CENPT: variants seen among roughly 807,000 people sequenced by gnomAD.
CENPT encodes interphase centromere complex protein 22.
A neutral mutation model predicts 59.7 loss-of-function variants in CENPT; 42 were observed. The ratio of observed to expected loss-of-function variants is 0.70; its 90% confidence interval spans 0.55 to 0.91. CENPT has a LOEUF of 0.91. CENPT is among the 40% of genes least tolerant of loss of function. The probability of loss-of-function intolerance (pLI) is 0.00; values close to 1 mark genes in which losing one functional copy is unlikely to be tolerated. For missense variants in CENPT, 716 were observed against 713.4 expected, an observed-to-expected ratio of 1.00 and a Z score of -0.04; for synonymous variants, 295 against 289.6, an observed-to-expected ratio of 1.02 and a Z score of -0.19.
At chr16:67,838,126 A>G (rs538051818) in intron 1 of CENPT, among the ~76,000 whole-genome samples, 2 of 152,308 alleles carry the variant, frequency 1.3e-5, no homozygotes, top group South Asian at 4.1e-4. Flanking sequence ...TTTGAGGTAG[A>G]AGATTAAGTG....
Position 67,831,852 on chromosome 16 carries a change from G to A in CENPT, c.425C>T (p.Thr142Ile). ...LQLPELEPPT[T>I]LAPGLLAPGR... is the part of the protein sequence containing the mutation. ...AGGGGCCAGCAGACCTGGAGCCAGGGTTGTGGGGGGCTCGAGCTCAGGAAG... is the reference window on the plus strand; with the variant it reads ...AGGGGCCAGCAGACCTGGAGCCAGGATTGTGGGGGGCTCGAGCTCAGGAAG... Residue 142 changes from threonine to isoleucine, a missense_variant, in exon 8 of 16, where the codon ACC becomes ATC. By Grantham distance (89) the Thr-to-Ile change is moderately conservative (BLOSUM62 -1). Transcript: ENST00000562787. The A allele has an allele frequency of 1.2e-6, 2 of 1,611,718 alleles. No homozygotes were observed. Among genetic ancestry groups the A allele is most frequent in the South Asian group, 2.2e-5 (2 of 90,740 alleles).
chr16:67,835,764 G>A (rs918815458), intron 1 of CENPT, 106 bp from the exon 2 acceptor site: 1 of 152,096 alleles, frequency 6.6e-6, no homozygotes, highest in African/African-American at 2.4e-5. Flanking sequence ...TCTGATATCT[G>A]TGTTATCTGA....
intron 1 of CENPT, among the ~76,000 whole-genome samples, chr16:67,839,576 A>C (rs746381400): frequency 6.6e-6 from 1 of 151,692 alleles, no homozygotes; most frequent in Non-Finnish European, 1.5e-5. Flanking sequence ...ATAAAAATAA[A>C]TAAATAAATA....
At chr16:67,833,047 A>G (rs756065826) in intron 4 of CENPT, among the ~76,000 whole-genome samples, 2 of 152,214 alleles carry the variant, frequency 1.3e-5, no homozygotes, top group African/African-American at 2.4e-5. Context: ...TGTAAAACCT[A>G]TAATGAATGG....
rs1442886329 is a variant in CENPT at position 67,829,978 on chromosome 16, G to T, written c.973C>A (p.Pro325Thr). The change falls in exon 12 of 16, where the codon CCC becomes ACC. Residue 325 changes from proline to threonine, a missense_variant. By Grantham distance (38) the Pro-to-Thr change is conservative (BLOSUM62 -1). Coordinates refer to ENST00000562787, the MANE Select transcript of CENPT (RefSeq NM_025082.4). Reference sequence around the variant, plus strand: ...GCCTCTTCAACTCCATCGTGTAAGGGCTCTACTTCATCTTCTCCAGAGACA... The same window carrying T: ...GCCTCTTCAACTCCATCGTGTAAGGTCTCTACTTCATCTTCTCCAGAGACA... ...SGVSGEDEVE[P>T]LHDGVEEAEK... The T allele has an allele frequency of 6.2e-7, 1 of 1,614,192 alleles. No homozygotes were observed. The highest frequency in any genetic ancestry group is 2.2e-5 in the East Asian group (1 of 44,894).
Position 67,830,498 on chromosome 16 carries a change from G to C in CENPT, c.754C>G (p.Pro252Ala). The change falls in exon 11 of 16, where the codon CCC (proline) becomes GCC (alanine). Residue 252 changes from proline to alanine, a missense_variant. By Grantham distance (27) the Pro-to-Ala change is conservative. Coordinates refer to ENST00000562787, the MANE Select transcript of CENPT (RefSeq NM_025082.4). ...CAGGGCAGGGAGTGATACACGTTGGGGGAGCCAACCATGGGCTGAGAGAAC... is the reference window on the plus strand; with the variant it reads ...CAGGGCAGGGAGTGATACACGTTGGCGGAGCCAACCATGGGCTGAGAGAAC... ...QPFSQPMVGS[P>A]NVYHSLPCTP... The C allele has an allele frequency of 6.2e-7, 1 of 1,614,134 alleles. No homozygotes were observed.
chr16:67,832,339 C>A (rs762164190), intron 5 of CENPT, 24 bp from the exon 6 acceptor site: 6 of 1,613,138 alleles, frequency 3.7e-6, no homozygotes, highest in Middle Eastern at 1.6e-4. Context: ...ACCAAGCAAC[C>A]AGTCTGTCCG....
At chr16:67,830,659 G>A in intron 10 of CENPT, 111 bp from the exon 11 acceptor site, 2 of 1,143,182 alleles carry the variant, frequency 1.7e-6, no homozygotes, top group African/African-American at 1.6e-5. Context: ...GCCAGGGCCT[G>A]GACAGTGGGC....
At position 67,842,834 on chromosome 16, in the gene CENPT, CCCGCTGGGGCCGCGG is replaced by C; in HGVS notation, c.-492+4552_-492+4566del. The C allele has an allele frequency of 6.2e-7, 1 of 1,609,364 alleles. No individual in the cohort carries two copies. Among genetic ancestry groups the C allele is most frequent in the Non-Finnish European group, 8.5e-7 (1 of 1,179,140 alleles). ...CAATGAGCGCAAAGTAGCGCGCAGA[CCCGCTGGGGCCGCGG>C]CCGCCCGCCGCAGGCAGCAGCAGCA... On this transcript the variant is annotated intron_variant, in intron 1 of 15. Transcript: ENST00000562787. The surrounding 1 kb of genome is among the most constrained non-coding windows in gnomAD (Gnocchi z 4.9).
chr16:67,846,477 G>C (rs918184969), intron 1 of CENPT, among the ~76,000 whole-genome samples: 3 of 152,262 alleles, frequency 2.0e-5, no homozygotes, highest in Admixed American at 2.0e-4. Context: ...CACACAGCTC[G>C]GAAGAGTAAC....
At chr16:67,834,906 A>G (rs1431776399) in intron 3 of CENPT, among the ~76,000 whole-genome samples, 1 of 152,178 alleles carries the variant, frequency 6.6e-6, no homozygotes, top group African/African-American at 2.4e-5. Context: ...CAATGGCACA[A>G]TCTCGGCTCA....
intron 6 of CENPT, 57 bp downstream of exon 6, chr16:67,832,171 A>G (rs574119416): frequency 3.1e-6 from 5 of 1,606,994 alleles, no homozygotes; most frequent in South Asian, 1.1e-5. Context: ...AAAAGATACC[A>G]CAAGACTGGG....
chr16:67,834,232 C>T lies in CENPT; in HGVS notation c.-241-132G>A, dbSNP rs180898703. The T allele has an allele frequency of 2.0e-3, 381 of 193,128 alleles. 3 individuals carry two copies. The highest frequency in any genetic ancestry group is 3.1e-3 in the Non-Finnish European group (297 of 95,034). 12.0% of individuals were successfully genotyped at this position (193,128 alleles called of 1,614,324 possible). ...GCAATTGCTATTATTAGAAGGCTCT[C>T]TCATTCCCATCTCCCTCTCCGAAGA... On this transcript the variant is annotated intron_variant, in intron 3 of 15. Transcript: ENST00000562787.
chr16:67,843,273 C>T lies in CENPT; in HGVS notation c.-492+4128G>A, dbSNP rs2057777881. On this transcript the variant is annotated intron_variant, in intron 1 of 15. Transcript: ENST00000562787. The surrounding 1 kb of genome is among the most constrained non-coding windows in gnomAD (Gnocchi z 5.7). ...GTAGGGGAAGAGGGCTTCCCTGATA[C>T]TGGCTCCGACCATTCGTACTCCTTG... 1.2e-6 allele frequency: 2 copies of T among 1,613,614 alleles called. No homozygotes were observed. Among genetic ancestry groups the T allele is most frequent in the Non-Finnish European group, 1.7e-6 (2 of 1,179,904 alleles).
intron 1 of CENPT, among the ~76,000 whole-genome samples, chr16:67,844,790 T>TA (rs1321323643): frequency 5.9e-5 from 9 of 151,976 alleles, no homozygotes; most frequent in Non-Finnish European, 1.0e-4. Flanking sequence ...CTATTTTTTT[T>TA]TTTTTATTTT....
intron 13 of CENPT, chr16:67,829,125 G>C: frequency 5.8e-6 from 3 of 515,538 alleles, no homozygotes; most frequent in Non-Finnish European, 6.8e-6. Context: ...CCTTAGAATG[G>C]ATAGTCTCTC....
In CENPT at chr16:67,842,265, C is replaced by A. The variant is rs1235444303; in HGVS notation, c.-492+5136G>T. ...CCCCGGAAGTGAGCCGCTTCTGGCG[C>A]GGGGCATTGTGGGGGGCGTAGTCTC... is the stretch of plus-strand genomic sequence containing the variant. On this transcript the variant is annotated intron_variant, in intron 1 of 15. Coordinates refer to ENST00000562787, the MANE Select transcript of CENPT (RefSeq NM_025082.4). This position sits in a 1 kb window ranked among gnomAD's most constrained non-coding sequence, Gnocchi z 4.9. 6.4e-6 allele frequency: 1 copy of A among 157,406 alleles called. No homozygotes were observed. The highest frequency in any genetic ancestry group is 1.4e-5 in the Non-Finnish European group (1 of 71,568). 9.8% of individuals were successfully genotyped at this position (157,406 alleles called of 1,614,324 possible).
intron 1 of CENPT, among the ~76,000 whole-genome samples, chr16:67,840,133 G>A (rs967562369): frequency 1.3e-5 from 2 of 151,830 alleles, no homozygotes; most frequent in East Asian, 1.9e-4. Flanking sequence ...TGGCTAACAC[G>A]GTGAAACCCC....
In CENPT at chr16:67,833,865, C is replaced by A. The variant is rs192016383; in HGVS notation, c.-6G>T. 6.1e-4 allele frequency: 927 copies of A among 1,508,492 alleles called. 7 individuals are homozygous for A. In the African/African-American group the frequency reaches 0.012, roughly 19 times the overall value. 93.4% of individuals were successfully genotyped at this position (1,508,492 alleles called of 1,614,324 possible). ...TCAGGGTTGTGGTCAGCCATCGTCTCGGCCCCGGGCCCTCCTAACCGCCCA... is the reference window on the plus strand; with the variant it reads ...TCAGGGTTGTGGTCAGCCATCGTCTAGGCCCCGGGCCCTCCTAACCGCCCA... On this transcript the variant is annotated 5_prime_UTR_variant, in exon 4 of 16. Transcript: ENST00000562787.
Sources: allele counts gnomAD v4.1 joint callset (sites outside exome capture counted in the v4.1 genomes callset), GRCh38; gene constraint gnomAD v4.1.1; non-coding constraint Gnocchi (gnomAD v3.1); transcripts MANE v1.5; gene names NCBI Gene and HGNC (gene_info 2026-07-23, HGNC 2026-07-21).